Variants in C4orf51 observed in about 807,000 individuals in gnomAD.
C4orf51 encodes uncharacterized protein C4orf51.
In C4orf51, 25 loss-of-function variants were observed where a neutral mutation model predicts 25.2. The ratio of observed to expected loss-of-function variants is 0.99; its 90% CI spans 0.72 to 1.39. C4orf51 has a LOEUF of 1.39. C4orf51 is among the 40% of genes most tolerant of loss of function. The pLI is 0.00. For missense variants in C4orf51, 252 were observed against 239.6 expected, an observed-to-expected ratio of 1.05 and a Z score of -0.34; for synonymous variants, 100 against 84.5, an observed-to-expected ratio of 1.18 and a Z score of -1.01.
intron 2 of C4orf51, among the ~76,000 whole-genome samples, chr4:145,704,811 A>G (rs1368814447): frequency 6.6e-6 from 1 of 152,228 alleles, no homozygotes. Context: ...AGACCAAGGC[A>G]AGTTTCAGAG....
At chr4:145,722,495 A>T (rs1731793897) in intron 2 of C4orf51, among the ~76,000 whole-genome samples, 1 of 152,236 alleles carries the variant, frequency 6.6e-6, no homozygotes, top group African/African-American at 2.4e-5. Context: ...AATAATTTGT[A>T]TCTAATATAT....
At chr4:145,782,884 C>A in the C4orf51 span, among the ~76,000 whole-genome samples, 1 of 152,228 alleles carries the variant, frequency 6.6e-6, no homozygotes, top group Non-Finnish European at 1.5e-5. Flanking sequence ...CTCCCCGCAA[C>A]TACTTCTGTA....
At chr4:145,727,304 G>A (rs941591709) in intron 3 of C4orf51, among the ~76,000 whole-genome samples, 1 of 152,058 alleles carries the variant, frequency 6.6e-6, no homozygotes, top group South Asian at 2.1e-4. Context: ...ATAATACAGA[G>A]TAACAAAGTA....
intron 2 of C4orf51, among the ~76,000 whole-genome samples, chr4:145,702,020 T>C (rs1730481831): frequency 6.6e-6 from 1 of 151,942 alleles, no homozygotes; most frequent in African/African-American, 2.4e-5. Flanking sequence ...TGGCAACCAA[T>C]CACATGCCCA....
At chr4:145,730,301 C>A (rs1333604234) in intron 5 of C4orf51, among the ~76,000 whole-genome samples, 4 of 152,126 alleles carry the variant, frequency 2.6e-5, no homozygotes, top group African/African-American at 9.7e-5. Context: ...AAAGAGAGTT[C>A]TCAGATAGTC....
downstream of C4orf51, among the ~76,000 whole-genome samples, chr4:145,735,821 A>T (rs1732774078): frequency 6.6e-6 from 1 of 152,216 alleles, no homozygotes; most frequent in Admixed American, 6.5e-5. Flanking sequence ...CTTACCTGGA[A>T]AAATAAAGTC....
chr4:145,742,038 A>C (rs1429546887), intron 1 of C4orf51, among the ~76,000 whole-genome samples: 2 of 152,160 alleles, frequency 1.3e-5, no homozygotes, highest in African/African-American at 4.8e-5. Flanking sequence ...AACTCAATAC[A>C]AGGGTAGACT....
the C4orf51 span, among the ~76,000 whole-genome samples, chr4:145,790,313 C>G: frequency 2.0e-5 from 3 of 152,016 alleles, no homozygotes; most frequent in African/African-American, 7.2e-5. Flanking sequence ...TATATTAATA[C>G]TTACTGAATA....
At chr4:145,688,586 C>T (rs1729326453) in intron 1 of C4orf51, among the ~76,000 whole-genome samples, 1 of 152,162 alleles carries the variant, frequency 6.6e-6, no homozygotes, top group Non-Finnish European at 1.5e-5. Context: ...TTAAGATGTG[C>T]CTTGCTTCCC....
chr4:145,687,251 C>T (rs1483821142), intron 1 of C4orf51, among the ~76,000 whole-genome samples: 1 of 152,162 alleles, frequency 6.6e-6, no homozygotes, highest in African/African-American at 2.4e-5. Context: ...AAGTTCCCTC[C>T]CCTCTTTGAG....
intron 1 of C4orf51, among the ~76,000 whole-genome samples, chr4:145,689,842 C>A (rs2126667415): frequency 6.6e-6 from 1 of 152,232 alleles, no homozygotes; most frequent in Non-Finnish European, 1.5e-5. Flanking sequence ...GGACCCCTAC[C>A]TTTCACCATA....
At chr4:145,714,869 C>T (rs143893880) in intron 2 of C4orf51, among the ~76,000 whole-genome samples, 7 of 152,240 alleles carry the variant, frequency 4.6e-5, no homozygotes, top group African/African-American at 1.4e-4. Context: ...TCTATGGATG[C>T]GCCCATTCCA....
chr4:145,730,339 GCCCGGTGGCTGGAGTTTCC>G (rs1732391223), intron 5 of C4orf51, among the ~76,000 whole-genome samples: 1 of 152,126 alleles, frequency 6.6e-6, no homozygotes, highest in Admixed American at 6.6e-5. Context: ...CACCCTGGTT[GCCCGGTGGCTGGAGTTTCC>G]CTCCTCATGT....
rs1285398266 is a variant in C4orf51, at chr4:145,692,970, T to G, written c.234-3589T>G. On this transcript the variant is annotated intron_variant, in intron 1 of 5. Transcript: ENST00000438731. ...AGTTTTTAGTTTTTTTTTTTTTTTTTTTTTTTTTTGTAAGTCCCATCAGGT... is the reference window on the plus strand; with the variant it reads ...AGTTTTTAGTTTTTTTTTTTTTTTTGTTTTTTTTTGTAAGTCCCATCAGGT... 4.5e-5 allele frequency among the ~76,000 whole-genome samples: 5 copies of G among 110,448 alleles called. No homozygotes were observed. The East Asian group carries it at 1.3e-3, about 29-fold the overall frequency. 72.5% of individuals were successfully genotyped at this position (110,448 alleles called of 152,430 possible).
At chr4:145,731,562 ATCTT>A (rs1363110550) in intron 5 of C4orf51, among the ~76,000 whole-genome samples, 26 of 93,244 alleles carry the variant, frequency 2.8e-4, no homozygotes, top group Non-Finnish European at 5.3e-4. Context: ...GACAAGGCAA[ATCTT>A]TTTTTTTTTT....
At chr4:145,715,944 G>A (rs1731386443) in intron 2 of C4orf51, among the ~76,000 whole-genome samples, 1 of 152,104 alleles carries the variant, frequency 6.6e-6, no homozygotes, top group Middle Eastern at 3.2e-3. Flanking sequence ...TATAATCTGA[G>A]CTTTACTGAG....
intron 1 of C4orf51, among the ~76,000 whole-genome samples, chr4:145,741,383 C>T (rs185231174): frequency 6.6e-6 from 1 of 151,868 alleles, no homozygotes; most frequent in Non-Finnish European, 1.5e-5. Flanking sequence ...ATTTAGGAGA[C>T]GAGGTACTAA....
the C4orf51 span, chr4:145,779,357 A>G: frequency 6.2e-7 from 1 of 1,613,054 alleles, no homozygotes; most frequent in Non-Finnish European, 8.5e-7. Context: ...CTGACAGCCC[A>G]GGCCCTACTC....
chr4:145,779,338 C>A, the C4orf51 span: 8 of 1,605,042 alleles, frequency 5.0e-6, no homozygotes, highest in Admixed American at 1.2e-4. Context: ...GGTGATGGAG[C>A]ATAGAGGGCT....
Sources: allele counts gnomAD v4.1 joint callset (sites outside exome capture counted in the v4.1 genomes callset), GRCh38; gene constraint gnomAD v4.1.1; transcripts MANE v1.5; gene names NCBI Gene and HGNC (gene_info 2026-07-23, HGNC 2026-07-21).